DCC: variants seen among roughly 807,000 people sequenced by gnomAD.
DCC encodes netrin receptor DCC.
In DCC, 58 loss-of-function variants were observed where a neutral mutation model predicts 172.5. That is an observed-to-expected ratio of 0.34 (90% CI 0.27 to 0.42). The LOEUF (loss-of-function observed/expected upper bound fraction) is 0.42. Among genes scored for constraint, DCC ranks in the 10% least tolerant of loss-of-function variants. The pLI, the probability that DCC is intolerant of heterozygous loss-of-function variation, is 1.00. For missense variants in DCC, 1,740 were observed against 1,791.0 expected (o/e 0.97, Z 0.51); for synonymous variants, 709 against 644.5 (o/e 1.10, Z -1.52).
chr18:53,270,863 T>G (rs1308400638), intron 12 of DCC, among the ~76,000 whole-genome samples: 2 of 152,194 alleles, frequency 1.3e-5, no homozygotes, highest in Non-Finnish European at 2.9e-5. Context: ...TTTTCTAGTA[T>G]AAGCAGATTA....
intron 1 of DCC, among the ~76,000 whole-genome samples, chr18:52,550,250 T>C (rs1377269306): frequency 1.3e-5 from 2 of 151,896 alleles, no homozygotes. Context: ...GTCAAGGTCA[T>C]CACAAACCAG....
intron 16 of DCC, among the ~76,000 whole-genome samples, chr18:53,387,644 C>T (rs17505156): frequency 0.43 from 64,645 of 152,030 alleles, 15,512 homozygotes; most frequent in Non-Finnish European, 0.55. Context: ...AACTTTATTC[C>T]CTTGCTCTGC....
intron 12 of DCC, among the ~76,000 whole-genome samples, chr18:53,228,381 A>T (rs1314157773): frequency 6.6e-6 from 1 of 152,132 alleles, no homozygotes; most frequent in African/African-American, 2.4e-5. Context: ...TTCATTAATT[A>T]GTTTGTTTGT....
chr18:53,267,705 A>G (rs1319924576), intron 12 of DCC, among the ~76,000 whole-genome samples: 2 of 152,054 alleles, frequency 1.3e-5, no homozygotes, highest in Non-Finnish European at 2.9e-5. Flanking sequence ...GGCTCAAGCA[A>G]TCCTCCTGAC....
intron 7 of DCC, among the ~76,000 whole-genome samples, chr18:53,120,566 CA>C (rs61179250): frequency 2.0e-5 from 3 of 151,320 alleles, no homozygotes; most frequent in Non-Finnish European, 4.4e-5. Flanking sequence ...TTTGAATTTA[CA>C]AAAAAATCAG....
In DCC at chr18:52,906,200, T is replaced by C. The variant is rs2039879253; in HGVS notation, c.569T>C (p.Val190Ala). 6.2e-7 allele frequency: 1 copy of C among 1,613,802 alleles called. No individual in the cohort carries two copies. The highest frequency in any genetic ancestry group is 8.5e-7 in the Non-Finnish European group (1 of 1,179,956). Residue 190 changes from valine (V) to alanine (A), a missense_variant, in exon 3 of 29, where the codon GTG (valine) becomes GCG (alanine). Val to Ala is a moderately conservative substitution (Grantham distance 64, BLOSUM62 0). Transcript: ENST00000442544. ...CCAATCCCAGGTGACTCCCGAGTGG[T>C]GGTCTTGCCCTCTGGAGCATTGCAG... ...LTPIPGDSRV[V>A]VLPSGALQIS...
chr18:52,856,354 G>T (rs1474497364), intron 2 of DCC, among the ~76,000 whole-genome samples: 1 of 151,694 alleles, frequency 6.6e-6, no homozygotes, highest in Non-Finnish European at 1.5e-5. Flanking sequence ...GGCCGGGCGC[G>T]GTGGCTCACG....
chr18:53,485,457 T>C lies in DCC; in HGVS notation c.3737-1340T>C, dbSNP rs1337955487. Among the ~76,000 whole-genome samples, 3 of 152,206 alleles carry C rather than the reference T, an allele frequency of 2.0e-5. No individual in the cohort carries two copies. The East Asian group carries it at 5.8e-4, about 29-fold the overall frequency. On this transcript the variant is annotated intron_variant, in intron 25 of 28. Transcript: ENST00000442544. Reference sequence around the variant, plus strand: ...ACTAAAGCAATTTTTGTTGAAATGATTTATCTTTAAATGATTTATATTTTT... The same window carrying C: ...ACTAAAGCAATTTTTGTTGAAATGACTTATCTTTAAATGATTTATATTTTT...
At chr18:53,234,443 A>G (rs903865906) in intron 12 of DCC, among the ~76,000 whole-genome samples, 1 of 151,994 alleles carries the variant, frequency 6.6e-6, no homozygotes, top group Non-Finnish European at 1.5e-5. Flanking sequence ...AAAAAAATAA[A>G]TAAATAAATA....
At chr18:52,407,143 C>A (rs1373438044) in intron 1 of DCC, among the ~76,000 whole-genome samples, 1 of 151,978 alleles carries the variant, frequency 6.6e-6, no homozygotes, top group Non-Finnish European at 1.5e-5. Context: ...TTATTAACAA[C>A]CACTTATTTT....
At chr18:53,338,602 A>C (rs926853044) in intron 14 of DCC, among the ~76,000 whole-genome samples, 1 of 152,210 alleles carries the variant, frequency 6.6e-6, no homozygotes, top group African/African-American at 2.4e-5. Context: ...CTCCGTCTCA[A>C]CAAATAAATA....
At chr18:53,452,560 A>G (rs1337561278) in intron 23 of DCC, among the ~76,000 whole-genome samples, 1 of 152,128 alleles carries the variant, frequency 6.6e-6, no homozygotes, top group Non-Finnish European at 1.5e-5. Context: ...TCCTACCCTA[A>G]GCACTTTGGC....
chr18:53,105,609 T>A (rs933295809), intron 7 of DCC, among the ~76,000 whole-genome samples: 1 of 151,918 alleles, frequency 6.6e-6, no homozygotes, highest in Non-Finnish European at 1.5e-5. Context: ...TTGAAAGGAT[T>A]GTGATTTTAT....
At chr18:52,909,950 C>T (rs1055332193) in intron 3 of DCC, among the ~76,000 whole-genome samples, 3 of 151,940 alleles carry the variant, frequency 2.0e-5, no homozygotes, top group African/African-American at 4.8e-5. Context: ...AAGAGCAGCA[C>T]GTGAAAAGCA....
At chr18:53,227,236 A>G (rs539123936) in intron 12 of DCC, among the ~76,000 whole-genome samples, 67 of 151,880 alleles carry the variant, frequency 4.4e-4, no homozygotes, top group African/African-American at 1.5e-3. Context: ...GTGAGCCACC[A>G]TGTCTGGCCA....
intron 27 of DCC, among the ~76,000 whole-genome samples, chr18:53,523,795 C>G (rs1211192822): frequency 6.6e-6 from 1 of 151,654 alleles, no homozygotes; most frequent in African/African-American, 2.4e-5. Context: ...ATTAGGACAA[C>G]TAATGTAGAT....
At chr18:53,513,777 T>TA (rs2046293677) in intron 27 of DCC, among the ~76,000 whole-genome samples, 1 of 149,434 alleles carries the variant, frequency 6.7e-6, no homozygotes, top group Admixed American at 6.7e-5. Context: ...CCTAAATATA[T>TA]ATGCACCCAA....
At chr18:53,472,306 T>C (rs1464627139) in intron 25 of DCC, among the ~76,000 whole-genome samples, 1 of 152,188 alleles carries the variant, frequency 6.6e-6, no homozygotes, top group Non-Finnish European at 1.5e-5. Context: ...AGCCAGAATT[T>C]GGACTCAAAA....
intron 1 of DCC, among the ~76,000 whole-genome samples, chr18:52,663,120 T>C (rs896659582): frequency 3.3e-5 from 5 of 152,238 alleles, no homozygotes; most frequent in Non-Finnish European, 7.3e-5. Context: ...ATGTATTTCA[T>C]GTCTTAGGAG....
Sources: allele counts gnomAD v4.1 joint callset (sites outside exome capture counted in the v4.1 genomes callset), GRCh38; gene constraint gnomAD v4.1.1; transcripts MANE v1.5; gene names NCBI Gene and HGNC (gene_info 2026-07-23, HGNC 2026-07-21).